The following CAMTA1 variants were observed in gnomAD, a reference collection of about 807,000 sequenced individuals.
CAMTA1 encodes calmodulin binding transcription activator 1.
A neutral mutation model predicts 170.9 loss-of-function variants in CAMTA1; 27 were observed. The ratio of observed to expected loss-of-function variants is 0.16; its 90% CI spans 0.12 to 0.22. The LOEUF is 0.22. CAMTA1 is among the 10% of genes least tolerant of loss of function. The pLI is 1.00. For missense variants in CAMTA1, 1,619 were observed against 2,217.2 expected, an observed-to-expected ratio of 0.73 and a Z score of 5.42; for synonymous variants, 833 against 891.5, an observed-to-expected ratio of 0.93 and a Z score of 1.17.
intron 3 of CAMTA1, among the ~76,000 whole-genome samples, chr1:6,948,302 C>G (rs1313582168): frequency 6.6e-6 from 1 of 152,120 alleles, no homozygotes; most frequent in Admixed American, 6.5e-5. Context: ...TACCAGCCAA[C>G]CTGGTGGATG....
intron 1 of CAMTA1, among the ~76,000 whole-genome samples, chr1:6,797,427 C>T (rs1359675943): frequency 6.6e-6 from 1 of 151,606 alleles, no homozygotes; most frequent in Admixed American, 6.6e-5. Context: ...GCTCTGTCAC[C>T]CAGGCTGGAG....
intron 5 of CAMTA1, among the ~76,000 whole-genome samples, chr1:7,449,926 C>T (rs1189301852): frequency 6.6e-6 from 1 of 152,144 alleles, no homozygotes; most frequent in Non-Finnish European, 1.5e-5. Flanking sequence ...TTTGATACCA[C>T]ACTTCGCAAC....
intron 5 of CAMTA1, chr1:7,370,385 T>C (rs190676306): frequency 7.2e-5 from 11 of 152,350 alleles, no homozygotes; most frequent in Admixed American, 6.5e-4. Context: ...CTGTGTTTTA[T>C]AGTGCAGAAC....
At chr1:7,238,090 T>C (rs1189585401) in intron 4 of CAMTA1, among the ~76,000 whole-genome samples, 2 of 152,070 alleles carry the variant, frequency 1.3e-5, no homozygotes, top group African/African-American at 4.8e-5. Flanking sequence ...TCTACAAATA[T>C]AAACAGACTA....
At position 7,547,815 on chromosome 1, in the gene CAMTA1, G is replaced by A. The variant is rs988791368; in HGVS notation, c.510+79914G>A. ...TGTACACAACCAGTCTCACATCTCTGCCACCCCATGTGGGCCCCCTCCAAA... is the reference window on the plus strand; with the variant it reads ...TGTACACAACCAGTCTCACATCTCTACCACCCCATGTGGGCCCCCTCCAAA... On this transcript the variant is annotated intron_variant, in intron 6 of 22. Transcript: ENST00000303635. The surrounding 1 kb of genome is among the most constrained non-coding windows in gnomAD (Gnocchi z 5.7). Among the ~76,000 whole-genome samples the A allele has an allele frequency of 3.4e-5, 5 of 149,022 alleles. No homozygotes were observed. The highest frequency in any genetic ancestry group is 1.4e-4 in the Admixed American group (2 of 14,684).
chr1:6,880,234 C>T (rs1353338448), intron 3 of CAMTA1, among the ~76,000 whole-genome samples: 2 of 151,998 alleles, frequency 1.3e-5, no homozygotes, highest in East Asian at 1.9e-4. Context: ...CCACCACGCC[C>T]AGCTAACTTT....
intron 6 of CAMTA1, among the ~76,000 whole-genome samples, chr1:7,513,643 C>A (rs2094235303): frequency 1.3e-5 from 2 of 152,182 alleles, no homozygotes; most frequent in South Asian, 4.2e-4. Context: ...CGGTTACAGG[C>A]TGGGCGTGGT....
At chr1:7,747,878 T>C in intron 19 of CAMTA1, 97 bp downstream of exon 19, 1 of 644,078 alleles carries the variant, frequency 1.6e-6, no homozygotes, top group South Asian at 2.1e-5. Context: ...TAGTACCTCA[T>C]TACAGAGACT....
rs976883028 is a variant in CAMTA1 at position 7,234,244 on chromosome 1, C to T, written c.303-15247C>T. ...TCCTCTCCAAACCTGGGCCTCGCCA[C>T]GCTCTCTACCGAAAGCCCTTCCAGG... On this transcript the variant is annotated intron_variant, in intron 4 of 22. Transcript: ENST00000303635. The surrounding 1 kb of genome is among the most constrained non-coding windows in gnomAD (Gnocchi z 5.0). Among the ~76,000 whole-genome samples, 7 of 152,194 alleles carry T rather than the reference C, an allele frequency of 4.6e-5. No individual in the cohort carries two copies. The highest frequency in any genetic ancestry group is 2.0e-4 in the Admixed American group (3 of 15,290).
At chr1:6,964,052 A>T (rs965530394) in intron 3 of CAMTA1, among the ~76,000 whole-genome samples, 1 of 151,160 alleles carries the variant, frequency 6.6e-6, no homozygotes, top group African/African-American at 2.4e-5. Flanking sequence ...CCTGGGTAGG[A>T]TACAGAATCC....
intron 6 of CAMTA1, among the ~76,000 whole-genome samples, chr1:7,600,790 G>T (rs1412435543): frequency 6.6e-6 from 1 of 152,016 alleles, no homozygotes; most frequent in Non-Finnish European, 1.5e-5. Context: ...AGAGAGCACA[G>T]GGTTGGGGGT....
At chr1:7,711,756 C>G (rs945672977) in intron 11 of CAMTA1, among the ~76,000 whole-genome samples, 4 of 152,188 alleles carry the variant, frequency 2.6e-5, no homozygotes, top group Non-Finnish European at 5.9e-5. Context: ...GTCACTCTAG[C>G]CAGAACCAAT....
intron 3 of CAMTA1, among the ~76,000 whole-genome samples, chr1:6,848,993 G>C (rs1659376352): frequency 6.6e-6 from 1 of 152,174 alleles, no homozygotes; most frequent in South Asian, 2.1e-4. Context: ...CAGATGATTA[G>C]AGTTGCCCCT....
rs1299389317 is a variant in CAMTA1 at position 7,663,882 on chromosome 1, C to T, written c.1335C>T (p.Pro445=). 2 of 1,614,006 alleles carry T rather than the reference C, an allele frequency of 1.2e-6. No individual in the cohort carries two copies. Among genetic ancestry groups the T allele is most frequent in the Middle Eastern group, 1.6e-4 (1 of 6,062 alleles). The change falls in exon 9 of 23, where the codon CCC becomes CCT. Residue 445 remains proline (P), a synonymous_variant. Coordinates refer to ENST00000303635, the MANE Select transcript of CAMTA1 (RefSeq NM_015215.4). The stretch of plus-strand genomic sequence containing the variant: ...CTGATGGCCACAAGTTCGCCTTTCC[C>T]ACCACGGGCAGCTCGGAGAGCCTGT... ...VSSDGHKFAF[P]TTGSSESLSM...
intron 5 of CAMTA1, among the ~76,000 whole-genome samples, chr1:7,279,623 A>G (rs1671222747): frequency 6.6e-6 from 1 of 152,126 alleles, no homozygotes; most frequent in African/African-American, 2.4e-5. Flanking sequence ...TTCTGCAGAG[A>G]TAACCTCCTG....
At chr1:6,840,268 G>A (rs148748915) in intron 3 of CAMTA1, among the ~76,000 whole-genome samples, 5 of 152,322 alleles carry the variant, frequency 3.3e-5, no homozygotes, top group African/African-American at 4.8e-5. Flanking sequence ...CTATTAGGAA[G>A]TGAGCAACAT....
At chr1:7,315,319 C>G (rs2149647997) in intron 5 of CAMTA1, among the ~76,000 whole-genome samples, 1 of 152,336 alleles carries the variant, frequency 6.6e-6, no homozygotes, top group Admixed American at 6.5e-5. Flanking sequence ...CTTGGCCTGA[C>G]TCTATTTGTC....
intron 6 of CAMTA1, among the ~76,000 whole-genome samples, chr1:7,540,386 C>T (rs547984822): frequency 6.6e-6 from 1 of 152,234 alleles, no homozygotes; most frequent in East Asian, 1.9e-4. Context: ...AGAACCCTAA[C>T]CTGGAGTCTC....
chr1:7,545,393 T>C (rs2094678168), intron 6 of CAMTA1, among the ~76,000 whole-genome samples: 1 of 152,258 alleles, frequency 6.6e-6, no homozygotes, highest in Admixed American at 6.5e-5. Context: ...CAACTAATCC[T>C]GTCTTCAATG....
Sources: allele counts gnomAD v4.1 joint callset (sites outside exome capture counted in the v4.1 genomes callset), GRCh38; gene constraint gnomAD v4.1.1; non-coding constraint Gnocchi (gnomAD v3.1); transcripts MANE v1.5; gene names NCBI Gene and HGNC (gene_info 2026-07-23, HGNC 2026-07-21).